The following PRKG1 variants were observed in gnomAD, a reference collection of about 807,000 sequenced individuals.
PRKG1 encodes the protein cGMP-dependent protein kinase 1.
PRKG1 carries 35 observed loss-of-function variants against 88.1 expected under a neutral mutation model. The ratio of observed to expected loss-of-function variants is 0.40; its 90% CI spans 0.30 to 0.53. PRKG1 has a LOEUF of 0.53. PRKG1 is among the 20% of genes least tolerant of loss of function. The pLI is 0.59. For synonymous variants in PRKG1, 303 were observed against 292.5 expected, an observed-to-expected ratio of 1.04 and a Z score of -0.37; for missense variants, 540 against 839.8, an observed-to-expected ratio of 0.64 and a Z score of 4.41.
At chr10:51,140,242 TG>T (rs1845789072) in intron 1 of PRKG1, among the ~76,000 whole-genome samples, 1 of 152,212 alleles carries the variant, frequency 6.6e-6, no homozygotes, top group South Asian at 2.1e-4. Flanking sequence ...ACACTTTCTC[TG>T]TCTTAACGAT....
intron 3 of PRKG1, among the ~76,000 whole-genome samples, chr10:51,802,042 C>T (rs1839187121): frequency 1.3e-5 from 2 of 152,126 alleles, no homozygotes; most frequent in African/African-American, 4.8e-5. Flanking sequence ...ATTAACACAT[C>T]ACTTAAGATC....
chr10:52,267,117 C>T (rs149612384), intron 10 of PRKG1, among the ~76,000 whole-genome samples: 153 of 151,984 alleles, frequency 1.0e-3, no homozygotes, highest in African/African-American at 3.5e-3. Flanking sequence ...ATTTAGACAA[C>T]AGGAAAAATA....
At chr10:52,100,496 C>T (rs1847271403) in intron 7 of PRKG1, among the ~76,000 whole-genome samples, 1 of 152,168 alleles carries the variant, frequency 6.6e-6, no homozygotes, top group Non-Finnish European at 1.5e-5. Flanking sequence ...TGGCACCACA[C>T]CGAAGGGTTA....
At chr10:51,421,931 G>T (rs1838427388) in intron 2 of PRKG1, among the ~76,000 whole-genome samples, 1 of 152,170 alleles carries the variant, frequency 6.6e-6, no homozygotes, top group Non-Finnish European at 1.5e-5. Context: ...TTCCACATTT[G>T]TAAAATCATA....
intron 3 of PRKG1, among the ~76,000 whole-genome samples, chr10:51,550,789 T>A (rs889040164): frequency 6.6e-6 from 1 of 151,924 alleles, no homozygotes. Flanking sequence ...ATATCAAGAA[T>A]TCATGGGAAA....
rs980666960 is a variant in PRKG1, at chr10:52,264,288, T to C, written c.1174-7062T>C. On this transcript the variant is annotated intron_variant, in intron 10 of 17. Transcript: ENST00000373980. ...TGTTCTTATTGTTGATGTTTTATTA[T>C]AGGCCTTTGGCTGATTTTGGTGAAC... 5.3e-5 allele frequency among the ~76,000 whole-genome samples: 8 copies of C among 152,218 alleles called. No individual in the cohort carries two copies. In the East Asian group the frequency reaches 7.8e-4, roughly 15 times the overall value.
intron 1 of PRKG1, among the ~76,000 whole-genome samples, chr10:51,138,097 G>A (rs187715455): frequency 1.3e-5 from 2 of 152,264 alleles, no homozygotes; most frequent in African/African-American, 4.8e-5. Context: ...GTTTTCAAAA[G>A]AATGTAAGGT....
chr10:51,268,155 C>T (rs907697859), intron 2 of PRKG1, among the ~76,000 whole-genome samples: 25 of 151,924 alleles, frequency 1.6e-4, no homozygotes, highest in Non-Finnish European at 2.9e-4. Flanking sequence ...AGGGAGTGTA[C>T]GAATAGAGTG....
intron 2 of PRKG1, among the ~76,000 whole-genome samples, chr10:51,207,976 G>A (rs971100706): frequency 3.3e-5 from 5 of 152,102 alleles, no homozygotes; most frequent in Admixed American, 3.3e-4. Context: ...CTTATTCATG[G>A]TGTTATTATT....
chr10:51,820,997 A>G (rs1839730131), intron 4 of PRKG1, among the ~76,000 whole-genome samples: 1 of 152,108 alleles, frequency 6.6e-6, no homozygotes, highest in African/African-American at 2.4e-5. Context: ...GGCCCTCCCA[A>G]ATCTCCTTGT....
At chr10:51,174,956 C>T (rs1047554435) in intron 2 of PRKG1, among the ~76,000 whole-genome samples, 36 of 151,950 alleles carry the variant, frequency 2.4e-4, no homozygotes, top group Admixed American at 1.9e-3. Context: ...CTGTTATACA[C>T]GTGCAACCTT....
intron 5 of PRKG1, among the ~76,000 whole-genome samples, chr10:51,986,028 CATTTACCGGTGA>C (rs1844148655): frequency 2.6e-5 from 4 of 152,130 alleles, no homozygotes; most frequent in African/African-American, 7.2e-5. Context: ...GGGTATTTGT[CATTTACCGGTGA>C]CAGCATGGCT....
intron 5 of PRKG1, among the ~76,000 whole-genome samples, chr10:51,986,295 C>T (rs1844155716): frequency 6.6e-6 from 1 of 152,208 alleles, no homozygotes; most frequent in African/African-American, 2.4e-5. Context: ...TATTTTGTTT[C>T]AGTGACTCCT....
At chr10:51,455,397 A>G (rs373202188) in intron 2 of PRKG1, among the ~76,000 whole-genome samples, 6 of 152,326 alleles carry the variant, frequency 3.9e-5, no homozygotes, top group African/African-American at 1.4e-4. Flanking sequence ...TTACTTATTC[A>G]AATTTCTGCG....
intron 7 of PRKG1, among the ~76,000 whole-genome samples, chr10:52,104,912 C>T (rs372659600): frequency 6.6e-6 from 1 of 152,142 alleles, no homozygotes; most frequent in Admixed American, 6.5e-5. Flanking sequence ...TTTTCCTTTA[C>T]TTTCGTGAAA....
chr10:51,011,191 T>C (rs1262626017), intron 1 of PRKG1, among the ~76,000 whole-genome samples: 1 of 152,124 alleles, frequency 6.6e-6, no homozygotes, highest in African/African-American at 2.4e-5. Flanking sequence ...CAGAGAATTA[T>C]TTGTTGTGTG....
In PRKG1 at chr10:51,603,467, C is replaced by T. The variant is rs140645479; in HGVS notation, c.592+135631C>T. Reference sequence around the variant, plus strand: ...GTAGGTGAAGAGGATAGGGAAAGCGCTATCCCTTTCCTGGAGTTCAATTCC... The same window carrying T: ...GTAGGTGAAGAGGATAGGGAAAGCGTTATCCCTTTCCTGGAGTTCAATTCC... On this transcript the variant is annotated intron_variant, in intron 3 of 17. Transcript: ENST00000373980. Among the ~76,000 whole-genome samples the T allele has an allele frequency of 1.1e-3, 161 of 152,280 alleles. 2 individuals are homozygous for T. Among genetic ancestry groups the T allele is most frequent in the African/African-American group, 3.5e-3 (145 of 41,556 alleles).
At chr10:52,138,430 A>G (rs1385072280) in intron 8 of PRKG1, among the ~76,000 whole-genome samples, 1 of 152,164 alleles carries the variant, frequency 6.6e-6, no homozygotes, top group Non-Finnish European at 1.5e-5. Context: ...AATCAATTAG[A>G]AAGAAAACAG....
At chr10:51,748,810 C>T (rs1044453332) in intron 3 of PRKG1, among the ~76,000 whole-genome samples, 2 of 152,118 alleles carry the variant, frequency 1.3e-5, no homozygotes, top group South Asian at 2.1e-4. Flanking sequence ...ATCCAGGTAA[C>T]CAAACATATG....
Sources: allele counts gnomAD v4.1 joint callset (sites outside exome capture counted in the v4.1 genomes callset), GRCh38; gene constraint gnomAD v4.1.1; transcripts MANE v1.5; gene names NCBI Gene and HGNC (gene_info 2026-07-23, HGNC 2026-07-21).